CHL1: variants seen among roughly 807,000 people sequenced by gnomAD.
CHL1 encodes the protein cell adhesion molecule L1 like, also known as neural cell adhesion molecule L1-like protein.
Under a neutral mutation model 141.9 loss-of-function variants are expected in CHL1, and 96 were observed. The observed-to-expected ratio is 0.68, with a 90% CI of 0.57 to 0.80. CHL1 has a LOEUF of 0.80. CHL1 is among the 30% of genes least tolerant of loss of function. The pLI, the probability that CHL1 is intolerant of heterozygous loss-of-function variation, is 0.00. For synonymous variants in CHL1, 613 were observed against 502.2 expected (o/e 1.22, Z -2.95); for missense variants, 1,820 against 1,457.2 (o/e 1.25, Z -4.05).
At chr3:287,350 T>C (rs145400796) in intron 2 of CHL1, among the ~76,000 whole-genome samples, 68 of 152,312 alleles carry the variant, frequency 4.5e-4, no homozygotes, top group African/African-American at 1.5e-3. Flanking sequence ...TCAATGTATA[T>C]TGAATGTTGA....
chr3:407,377 A>T lies in CHL1; in HGVS notation c.*1666A>T, dbSNP rs1261701216. 1.3e-5 allele frequency: 2 copies of T among 152,038 alleles called. No individual in the cohort carries two copies. Among genetic ancestry groups the T allele is most frequent in the African/African-American group, 4.8e-5 (2 of 41,416 alleles). The allele number at this position is 152,038 out of a possible 1,614,324, so 9.4% of individuals were successfully genotyped here. A position where few individuals can be genotyped will look rare whatever the true frequency, so the allele number is the denominator to read the frequency against. ...ATGGAATATCTACTTGTCCTTTTGA[A>T]CCTCACGAGTCATCCAGAATGTATA... On this transcript the variant is annotated 3_prime_UTR_variant, in exon 28 of 28. Coordinates refer to ENST00000256509, the MANE Select transcript of CHL1 (RefSeq NM_006614.4).
chr3:296,830 A>G (rs1698230055), intron 2 of CHL1, among the ~76,000 whole-genome samples: 1 of 152,214 alleles, frequency 6.6e-6, no homozygotes, highest in African/African-American at 2.4e-5. Context: ...CAATGTTTAT[A>G]TATTTCTTTA....
At chr3:322,118 G>A (rs564214571) in intron 3 of CHL1, among the ~76,000 whole-genome samples, 1 of 151,756 alleles carries the variant, frequency 6.6e-6, no homozygotes, top group East Asian at 2.0e-4. Context: ...ATATGAATTT[G>A]CAATAAGCTC....
rs763265621 is a variant in CHL1, at chr3:366,005, G to A, written c.1641G>A (p.Met547Ile). The part of the protein sequence containing the change: ...PKNPRIPKLH[M>I]LELHCESKCD... The stretch of plus-strand genomic sequence containing the variant: ...ATCCTCGTATCCCCAAATTGCATAT[G>A]CTTGAATTACATTGTGAAAGCAAAT... The change falls in exon 15 of 28, where the codon ATG (methionine) becomes ATA (isoleucine). Residue 547 changes from methionine to isoleucine, a missense_variant. Physicochemically the swap from Met to Ile is conservative, Grantham distance 10. Coordinates refer to ENST00000256509, the MANE Select transcript of CHL1 (RefSeq NM_006614.4). 6.2e-6 allele frequency: 10 copies of A among 1,613,476 alleles called. No homozygotes were observed. Among genetic ancestry groups the A allele is most frequent in the Non-Finnish European group, 8.5e-6 (10 of 1,179,624 alleles).
chr3:364,833 G>C (rs931176439), intron 14 of CHL1, among the ~76,000 whole-genome samples: 1 of 151,932 alleles, frequency 6.6e-6, no homozygotes. Context: ...CTGTAAGGTG[G>C]GAGTATTAAT....
At chr3:344,466 A>AACAC (rs56787746) in intron 8 of CHL1, 123 bp from the exon 9 acceptor site, 227,557 of 558,050 alleles carry the variant, frequency 0.41, 22,663 homozygotes, top group Admixed American at 0.5. Context: ...ATGTGTATAG[A>AACAC]ACACACACAC....
chr3:200,426 T>C lies in CHL1; in HGVS notation c.-175+3363T>C, dbSNP rs73088630. 2.9e-3 allele frequency among the ~76,000 whole-genome samples: 440 copies of C among 152,310 alleles called. 2 individuals are homozygous for C. The highest frequency in any genetic ancestry group is 9.9e-3 in the African/African-American group (413 of 41,586). ...ACTGAGGTTGTTTTCAGTGATGTACTATATTATCTGATTCAGTCAACGTTC... is the reference window on the plus strand; with the variant it reads ...ACTGAGGTTGTTTTCAGTGATGTACCATATTATCTGATTCAGTCAACGTTC... On this transcript the variant is annotated intron_variant, in intron 1 of 27. Coordinates refer to ENST00000256509, the MANE Select transcript of CHL1 (RefSeq NM_006614.4).
chr3:235,750 A>G (rs559150208), intron 1 of CHL1, among the ~76,000 whole-genome samples: 3 of 152,270 alleles, frequency 2.0e-5, no homozygotes, highest in East Asian at 1.9e-4. Flanking sequence ...GATCTAAAAG[A>G]TTATCTATTT....
At chr3:268,715 G>T (rs1218758818) in intron 2 of CHL1, among the ~76,000 whole-genome samples, 1 of 152,060 alleles carries the variant, frequency 6.6e-6, no homozygotes, top group Non-Finnish European at 1.5e-5. Flanking sequence ...TAACTTTGAG[G>T]CAGCTATACA....
chr3:261,934 C>A (rs978068284), intron 2 of CHL1, among the ~76,000 whole-genome samples: 2 of 151,478 alleles, frequency 1.3e-5, no homozygotes, highest in East Asian at 3.9e-4. Context: ...AAGCCCAGAT[C>A]TACACAGTAC....
chr3:342,568 G>GGGGA (rs1702424129), intron 7 of CHL1, among the ~76,000 whole-genome samples: 1 of 152,188 alleles, frequency 6.6e-6, no homozygotes, highest in Admixed American at 6.6e-5. Context: ...TAATTAGAGG[G>GGGGA]AGGAAGAACC....
intron 10 of CHL1, among the ~76,000 whole-genome samples, chr3:350,946 A>G (rs1428719411): frequency 6.6e-6 from 1 of 152,182 alleles, no homozygotes; most frequent in Non-Finnish European, 1.5e-5. Context: ...TTTCTATATA[A>G]TTTGGCTACA....
chr3:310,838 A>G (rs1559235484), intron 2 of CHL1, among the ~76,000 whole-genome samples: 4 of 152,232 alleles, frequency 2.6e-5, no homozygotes, highest in Admixed American at 2.6e-4. Flanking sequence ...CAATTGTAGT[A>G]TCATACAAAG....
chr3:400,900 CT>C (rs71058770), intron 26 of CHL1, among the ~76,000 whole-genome samples: 10,799 of 112,274 alleles, frequency 0.096, 913 homozygotes, highest in African/African-American at 0.27. Context: ...AAATGACTGC[CT>C]TTTTTTTTTT....
chr3:225,944 G>A (rs1036167502), intron 1 of CHL1, among the ~76,000 whole-genome samples: 2 of 151,802 alleles, frequency 1.3e-5, no homozygotes, highest in Non-Finnish European at 2.9e-5. Context: ...GGGAGGCGGA[G>A]CTTGCAGTGA....
At chr3:291,685 C>A (rs907102656) in intron 2 of CHL1, among the ~76,000 whole-genome samples, 4 of 151,950 alleles carry the variant, frequency 2.6e-5, no homozygotes, top group South Asian at 2.1e-4. Context: ...TTTTAGAGGT[C>A]ATTTTTTTTC....
Position 408,852 on chromosome 3 carries a change from G to A in CHL1, c.*3141G>A, listed in dbSNP as rs1341182079. 1 of 151,960 alleles carries A rather than the reference G, an allele frequency of 6.6e-6. No individual in the cohort carries two copies. The highest frequency in any genetic ancestry group is 1.5e-5 in the Non-Finnish European group (1 of 67,934). The allele number at this position is 151,960 out of a possible 1,614,324, so 9.4% of individuals were successfully genotyped here. On this transcript the variant is annotated 3_prime_UTR_variant, in exon 28 of 28. Transcript: ENST00000256509. ...TTTATTCTATCGGTATAAAGGCATT[G>A]ATATTTTAGATGCACCCGTGTTTGT...
chr3:371,858 C>T (rs1272720362), intron 15 of CHL1, among the ~76,000 whole-genome samples: 3 of 152,096 alleles, frequency 2.0e-5, no homozygotes, highest in Admixed American at 6.5e-5. Context: ...TTCTCCTTCA[C>T]TTGTGAAGCT....
intron 2 of CHL1, among the ~76,000 whole-genome samples, chr3:312,058 G>A (rs1168355696): frequency 6.6e-6 from 1 of 152,076 alleles, no homozygotes; most frequent in African/African-American, 2.4e-5. Flanking sequence ...ATATACATAA[G>A]TTTTTATATA....
Sources: gnomAD v4.1 joint callset for allele counts (sites outside exome capture counted in the v4.1 genomes callset) on GRCh38, gnomAD v4.1.1 for gene constraint, MANE v1.5 for transcripts, NCBI Gene and HGNC (gene_info 2026-07-23, HGNC 2026-07-21) for gene names.